ACOT7: variants seen among roughly 807,000 people sequenced by gnomAD.
The protein encoded by ACOT7 is cytosolic acyl coenzyme A thioester hydrolase.
A neutral mutation model predicts 40.2 loss-of-function variants in ACOT7; 12 were observed. The observed-to-expected ratio is 0.30, with a 90% CI of 0.19 to 0.48. The LOEUF (loss-of-function observed/expected upper bound fraction) is 0.48. Among genes scored for constraint, ACOT7 ranks in the 20% least tolerant of loss-of-function variants. The pLI, the probability that ACOT7 is intolerant of heterozygous loss-of-function variation, is 0.99. For synonymous variants in ACOT7, 228 were observed against 219.5 expected (o/e 1.04, Z -0.34); for missense variants, 395 against 530.8 (o/e 0.74, Z 2.51).
intron 7 of ACOT7, among the ~76,000 whole-genome samples, chr1:6,284,384 C>T (rs955861712): frequency 7.9e-5 from 12 of 152,158 alleles, no homozygotes; most frequent in Middle Eastern, 3.4e-3. Flanking sequence ...TGAGACCAGC[C>T]TGACCAACAT....
chr1:6,336,829 G>A (rs376038093), intron 3 of ACOT7, among the ~76,000 whole-genome samples: 57 of 152,310 alleles, frequency 3.7e-4, no homozygotes, highest in Middle Eastern at 6.8e-3. Context: ...GAACAATAGA[G>A]ACTGCAGAGA....
rs113846869 is a variant in ACOT7 at position 6,353,080 on chromosome 1, T to C, written c.144-3214A>G. On this transcript the variant is annotated intron_variant, in intron 1 of 8. Transcript: ENST00000361521. Reference sequence around the variant, plus strand: ...TTTTACTAGAGACAGGGTTTTGCCATGTTGCCCAGGCTGTCTCAAATTCCT... The same window carrying C: ...TTTTACTAGAGACAGGGTTTTGCCACGTTGCCCAGGCTGTCTCAAATTCCT... Among the ~76,000 whole-genome samples the C allele has an allele frequency of 8.2e-3, 1,247 of 152,114 alleles. 8 individuals carry two copies. The highest frequency in any genetic ancestry group is 0.017 in the South Asian group (82 of 4,810).
Position 6,333,458 on chromosome 1 carries a change from A to T in ACOT7, c.510+19T>A. On this transcript the variant is annotated intron_variant, in intron 4 of 8. Coordinates refer to ENST00000361521, the MANE Select transcript of ACOT7 (RefSeq NM_007274.4). ...CTCTGCCATCTGCCCCCAAGAGAGA[A>T]GTAGAAAGGGCACCTTACCACAACA... The T allele has an allele frequency of 1.9e-6, 3 of 1,613,522 alleles. No homozygotes were observed. Among genetic ancestry groups the T allele is most frequent in the Non-Finnish European group, 2.5e-6 (3 of 1,179,418 alleles).
rs1053157447 is a variant in ACOT7 at position 6,274,874 on chromosome 1, T to C, written c.1014+6228A>G. ...TTGGGACTCCCAGGGTTTAGGTTCT[T>C]GCACAGAAGGGTTCTCAGGCAGGGC... On this transcript the variant is annotated intron_variant, in intron 8 of 8. Coordinates refer to ENST00000361521, the MANE Select transcript of ACOT7 (RefSeq NM_007274.4). This position sits in a 1 kb window ranked among gnomAD's most constrained non-coding sequence, Gnocchi z 5.9. Among the ~76,000 whole-genome samples, 3 of 152,096 alleles carry C rather than the reference T, an allele frequency of 2.0e-5. No homozygotes were observed. The highest frequency in any genetic ancestry group is 4.4e-5 in the Non-Finnish European group (3 of 68,004).
intron 8 of ACOT7, among the ~76,000 whole-genome samples, chr1:6,266,082 C>T (rs1638844740): frequency 6.6e-6 from 1 of 152,190 alleles, no homozygotes; most frequent in South Asian, 2.1e-4. Flanking sequence ...GGTCCTGGTC[C>T]CCCTTTGAAG....
chr1:6,361,266 T>C (rs1641887113), intron 1 of ACOT7, among the ~76,000 whole-genome samples: 1 of 152,044 alleles, frequency 6.6e-6, no homozygotes, highest in South Asian at 2.1e-4. Context: ...GTATATTAAA[T>C]GTCCACAACA....
chr1:6,299,306 C>T lies in ACOT7; in HGVS notation c.713-4326G>A, dbSNP rs1235228911. Reference sequence around the variant, plus strand: ...TTTGGTGGACATCTGTTGAGCTGAACACTAATTTAATTTAGGGCTTTGGGG... The same window carrying T: ...TTTGGTGGACATCTGTTGAGCTGAATACTAATTTAATTTAGGGCTTTGGGG... On this transcript the variant is annotated intron_variant, in intron 6 of 8. Coordinates refer to ENST00000361521, the MANE Select transcript of ACOT7 (RefSeq NM_007274.4). This position sits in a 1 kb window ranked among gnomAD's most constrained non-coding sequence, Gnocchi z 4.1. 6.6e-6 allele frequency among the ~76,000 whole-genome samples: 1 copy of T among 152,232 alleles called. No homozygotes were observed. Among genetic ancestry groups the T allele is most frequent in the African/African-American group, 2.4e-5 (1 of 41,460 alleles).
chr1:6,340,908 C>T (rs924709140), intron 2 of ACOT7, among the ~76,000 whole-genome samples: 1 of 151,544 alleles, frequency 6.6e-6, no homozygotes, highest in Admixed American at 6.6e-5. Context: ...TGGCGGTGCA[C>T]ATCTGTAATC....
Position 6,321,633 on chromosome 1 carries a change from G to A in ACOT7, c.626-3055C>T, listed in dbSNP as rs1199359150. Among the ~76,000 whole-genome samples, 4 of 152,202 alleles carry A rather than the reference G, an allele frequency of 2.6e-5. No individual in the cohort carries two copies. The East Asian group carries it at 7.7e-4, about 29-fold the overall frequency. ...GGGTTCACGCCATTCTCCTGCCTCAGCCTCCTGAGTAGCTGTGACTACAGG... is the reference window on the plus strand; with the variant it reads ...GGGTTCACGCCATTCTCCTGCCTCAACCTCCTGAGTAGCTGTGACTACAGG... On this transcript the variant is annotated intron_variant, in intron 5 of 8. Transcript: ENST00000361521.
intron 8 of ACOT7, among the ~76,000 whole-genome samples, chr1:6,270,774 G>A (rs1229623465): frequency 6.6e-6 from 1 of 152,198 alleles, no homozygotes; most frequent in Non-Finnish European, 1.5e-5. Context: ...CTGTGTGGTG[G>A]TCCTGCTGTC....
In ACOT7 at chr1:6,275,784, A is replaced by G. The variant is rs1394427360; in HGVS notation, c.1014+5318T>C. 6.6e-6 allele frequency among the ~76,000 whole-genome samples: 1 copy of G among 151,370 alleles called. No homozygotes were observed. Among genetic ancestry groups the G allele is most frequent in the Non-Finnish European group, 1.5e-5 (1 of 67,862 alleles). ...TCATTACTGCCTCCCACTTCCATCC[A>G]GAAAACATTTCGGTGGCTAAAGACT... On this transcript the variant is annotated intron_variant, in intron 8 of 8. Transcript: ENST00000361521. This position sits in a 1 kb window ranked among gnomAD's most constrained non-coding sequence, Gnocchi z 5.6.
Position 6,288,550 on chromosome 1 carries a change from G to A in ACOT7, c.829+6314C>T, listed in dbSNP as rs1639572005. Among the ~76,000 whole-genome samples, 4 of 152,224 alleles carry A rather than the reference G, an allele frequency of 2.6e-5. No homozygotes were observed. The South Asian group carries it at 6.2e-4, about 24-fold the overall frequency. On this transcript the variant is annotated intron_variant, in intron 7 of 8. Coordinates refer to ENST00000361521, the MANE Select transcript of ACOT7 (RefSeq NM_007274.4). The surrounding 1 kb of genome is among the most constrained non-coding windows in gnomAD (Gnocchi z 4.3). ...GGAGCCACGGAGGCTGTGAGCAGAG[G>A]AATAGCAGGTCCCTAGCGTCAAAAG...
rs1327805937 is a variant in ACOT7, at chr1:6,294,226, T to C, written c.829+638A>G. Among the ~76,000 whole-genome samples the C allele has an allele frequency of 6.6e-6, 1 of 152,234 alleles. No individual in the cohort carries two copies. The highest frequency in any genetic ancestry group is 1.9e-4 in the East Asian group (1 of 5,200). ...AAAAATCACCACGTGTCAGGTGCAC[T>C]TCACTGTACTTCTGCAGAGAGCAGT... On this transcript the variant is annotated intron_variant, in intron 7 of 8. Transcript: ENST00000361521. This position sits in a 1 kb window ranked among gnomAD's most constrained non-coding sequence, Gnocchi z 4.6.
intron 1 of ACOT7, among the ~76,000 whole-genome samples, chr1:6,372,741 C>T (rs1297623478): frequency 1.3e-5 from 2 of 151,860 alleles, no homozygotes; most frequent in African/African-American, 2.4e-5. Flanking sequence ...GTAGAGATGG[C>T]GTTTCACTAT....
intron 2 of ACOT7, among the ~76,000 whole-genome samples, chr1:6,349,042 G>A (rs1260495110): frequency 1.3e-5 from 2 of 152,174 alleles, no homozygotes; most frequent in African/African-American, 4.8e-5. Flanking sequence ...CAAGGCAGAC[G>A]CCCTGTCCTC....
In ACOT7 at chr1:6,386,850, C is replaced by T. The variant is rs1025432938; in HGVS notation, c.143+6407G>A. On this transcript the variant is annotated intron_variant, in intron 1 of 8. Transcript: ENST00000361521. ...CCACTTAGTTGCCTGGCCAACTAAG[C>T]GAGACCCTGTCTCAAATAAAAATAA... 7.9e-5 allele frequency among the ~76,000 whole-genome samples: 12 copies of T among 152,196 alleles called. No homozygotes were observed. In the South Asian group the frequency reaches 8.3e-4, roughly 11 times the overall value.
intron 8 of ACOT7, among the ~76,000 whole-genome samples, chr1:6,273,307 C>T (rs1639088728): frequency 6.6e-6 from 1 of 152,228 alleles, no homozygotes; most frequent in Admixed American, 6.5e-5. Context: ...TCTGCGCCAA[C>T]CTCCTTCTCA....
intron 1 of ACOT7, among the ~76,000 whole-genome samples, chr1:6,375,112 C>T (rs933342959): frequency 6.6e-6 from 1 of 150,690 alleles, no homozygotes; most frequent in Admixed American, 6.6e-5. Context: ...CCCGTCTCTA[C>T]TAAAAATACA....
chr1:6,265,646 CT>C (rs1286807748), intron 8 of ACOT7, among the ~76,000 whole-genome samples: 3 of 152,220 alleles, frequency 2.0e-5, no homozygotes, highest in Admixed American at 6.5e-5. Flanking sequence ...GGTGCCACCC[CT>C]GGAGTATTAG....
Sources: gnomAD v4.1 joint callset for allele counts (sites outside exome capture counted in the v4.1 genomes callset) on GRCh38, gnomAD v4.1.1 for gene constraint, Gnocchi (gnomAD v3.1) non-coding constraint, MANE v1.5 for transcripts, NCBI Gene and HGNC (gene_info 2026-07-23, HGNC 2026-07-21) for gene names.